Variants in RNASE4 observed in about 807,000 individuals in gnomAD.
RNASE4 encodes ribonuclease 4.
For missense variants in RNASE4, 194 were observed against 192.8 expected, an observed-to-expected ratio of 1.01 and a Z score of -0.04; for synonymous variants, 93 against 71.4, an observed-to-expected ratio of 1.30 and a Z score of -1.52.
chr14:20,688,967 A>G (rs1886556456), intron 1 of RNASE4: 2 of 617,742 alleles, frequency 3.2e-6, no homozygotes, highest in African/African-American at 4.0e-5. Flanking sequence ...CTCCAGGCTC[A>G]AGCTCATGAA....
intron 1 of RNASE4, chr14:20,693,540 T>G: frequency 6.2e-7 from 1 of 1,610,006 alleles, no homozygotes; most frequent in Non-Finnish European, 8.5e-7. Context: ...CCTTTTGCCC[T>G]CCGCAGGAGC....
chr14:20,690,504 G>T (rs1282885935), intron 1 of RNASE4, among the ~76,000 whole-genome samples: 1 of 152,134 alleles, frequency 6.6e-6, no homozygotes, highest in African/African-American at 2.4e-5. Flanking sequence ...AAAGTTTTGA[G>T]TGAGGGAGCA....
At chr14:20,688,608 T>A in intron 1 of RNASE4, 1 of 836,244 alleles carries the variant, frequency 1.2e-6, no homozygotes, top group Non-Finnish European at 1.4e-6. Context: ...CCAGAACAAA[T>A]CTCTAATCCA....
chr14:20,692,904 G>A (rs1886846719), intron 1 of RNASE4, among the ~76,000 whole-genome samples: 1 of 152,070 alleles, frequency 6.6e-6, no homozygotes, highest in South Asian at 2.1e-4. Flanking sequence ...CTGGAGTGCA[G>A]TGGCGCGATC....
chr14:20,700,012 G>A lies in RNASE4; in HGVS notation c.*197G>A. Reference sequence around the variant, plus strand: ...ATAAACCTGTAATGAATGAGGCTGGGCTTTTCTGTAATAAGCTTCCTTTTA... The same window carrying A: ...ATAAACCTGTAATGAATGAGGCTGGACTTTTCTGTAATAAGCTTCCTTTTA... On this transcript the variant is annotated 3_prime_UTR_variant, in exon 2 of 2. Transcript: ENST00000555835. 2 of 594,316 alleles carry A rather than the reference G, an allele frequency of 3.4e-6. No individual in the cohort carries two copies. The highest frequency in any genetic ancestry group is 6.1e-6 in the Non-Finnish European group (2 of 329,248). 36.8% of individuals were successfully genotyped at this position (594,316 alleles called of 1,614,324 possible).
intron 1 of RNASE4, among the ~76,000 whole-genome samples, chr14:20,689,471 A>G (rs956493293): frequency 2.6e-5 from 4 of 152,326 alleles, no homozygotes; most frequent in East Asian, 3.9e-4. Context: ...AATGATAACT[A>G]TAGTTACTCA....
chr14:20,693,829 C>T (rs1886952716), intron 1 of RNASE4: 1 of 1,614,216 alleles, frequency 6.2e-7, no homozygotes, highest in Non-Finnish European at 8.5e-7. Flanking sequence ...TGGAAACCCT[C>T]ACAGAGAAAA....
At position 20,688,892 on chromosome 14, in the gene RNASE4, T is replaced by A. The variant is rs894182618; in HGVS notation, c.-18+4134T>A. On this transcript the variant is annotated intron_variant, in intron 1 of 1. Transcript: ENST00000555835. ...CCTCCTGGGTAAACTATTGTTCAAT[T>A]TGTTTTATATATTATTTCTAGCCAT... 3 of 978,180 alleles carry A rather than the reference T, an allele frequency of 3.1e-6. No individual in the cohort carries two copies. The African/African-American group carries it at 5.3e-5, about 17-fold the overall frequency. 60.6% of individuals were successfully genotyped at this position (978,180 alleles called of 1,614,324 possible).
chr14:20,699,895 GT>G lies in RNASE4; in HGVS notation c.*81del. The G allele has an allele frequency of 7.9e-7, 1 of 1,271,716 alleles. No individual in the cohort carries two copies. Among genetic ancestry groups the G allele is most frequent in the Non-Finnish European group, 1.1e-6 (1 of 889,196 alleles). 78.8% of individuals were successfully genotyped at this position (1,271,716 alleles called of 1,614,324 possible). A position where few individuals can be genotyped will look rare whatever the true frequency, so the allele number is the denominator to read the frequency against. Reference sequence around the variant, plus strand: ...TAGCAGTGAGTAATGCATTTGAGCTGTCCCAGGCTCTGTCTCCTCAGCTCAT... The same window carrying G: ...TAGCAGTGAGTAATGCATTTGAGCTGCCCAGGCTCTGTCTCCTCAGCTCAT... On this transcript the variant is annotated 3_prime_UTR_variant, in exon 2 of 2. Coordinates refer to ENST00000555835, the MANE Select transcript of RNASE4 (RefSeq NM_002937.5).
At chr14:20,697,692 A>T (rs1318816562) in intron 1 of RNASE4, among the ~76,000 whole-genome samples, 2 of 152,240 alleles carry the variant, frequency 1.3e-5, no homozygotes, top group East Asian at 3.8e-4. Flanking sequence ...TGAAATCAAA[A>T]GACAATAGTA....
intron 1 of RNASE4, chr14:20,693,384 G>A (rs1031969335): frequency 1.1e-5 from 10 of 871,064 alleles, no homozygotes; most frequent in Non-Finnish European, 1.8e-5. Flanking sequence ...GGAAGGGATT[G>A]ACGAAGTGTG....
intron 1 of RNASE4, chr14:20,693,647 C>T (rs1475019638): frequency 1.2e-6 from 2 of 1,614,006 alleles, no homozygotes; most frequent in African/African-American, 1.3e-5. Flanking sequence ...CAGGATAACT[C>T]CAGGTACACA....
At chr14:20,688,104 A>G (rs1886509672) in intron 1 of RNASE4, among the ~76,000 whole-genome samples, 1 of 152,192 alleles carries the variant, frequency 6.6e-6, no homozygotes, top group Non-Finnish European at 1.5e-5. Flanking sequence ...CAAGGATCAG[A>G]AGATTGAATG....
chr14:20,699,030 G>T (rs781710717), intron 1 of RNASE4: 18 of 203,070 alleles, frequency 8.9e-5, no homozygotes, highest in Admixed American at 2.7e-4. Context: ...TTTCATGTAG[G>T]TTCACCTTTT....
intron 1 of RNASE4, chr14:20,693,389 A>G: frequency 6.6e-6 from 6 of 912,654 alleles, no homozygotes; most frequent in Non-Finnish European, 1.0e-5. Context: ...GGATTGACGA[A>G]GTGTGAGGTT....
chr14:20,687,589 T>G (rs1032157237), intron 1 of RNASE4, among the ~76,000 whole-genome samples: 16 of 152,228 alleles, frequency 1.1e-4, no homozygotes, highest in African/African-American at 3.9e-4. Context: ...TTCTCCTTGC[T>G]TATGAAGGGT....
At position 20,693,602 on chromosome 14, in the gene RNASE4, T is replaced by C. The variant is rs200240901; in HGVS notation, c.-17-5753T>C. The C allele has an allele frequency of 5.8e-5, 93 of 1,613,896 alleles. No homozygotes were observed. The highest frequency in any genetic ancestry group is 7.3e-5 in the Non-Finnish European group (86 of 1,180,042). On this transcript the variant is annotated intron_variant, in intron 1 of 1. Transcript: ENST00000555835. ...CTGGGCGTTTTGTTGTTGGTCTTCG[T>C]GCTGGGTCTGGGTCTGACCCCACCG... is the stretch of plus-strand genomic sequence containing the variant.
At chr14:20,690,418 G>A (rs12895066) in intron 1 of RNASE4, among the ~76,000 whole-genome samples, 43,652 of 151,752 alleles carry the variant, frequency 0.29, 6,427 homozygotes, top group East Asian at 0.43. Flanking sequence ...CACCACAAAC[G>A]ATCTGTCTCT....
intron 1 of RNASE4, among the ~76,000 whole-genome samples, chr14:20,686,265 A>G (rs775272031): frequency 1.3e-5 from 2 of 152,174 alleles, no homozygotes; most frequent in Non-Finnish European, 2.9e-5. Context: ...TAATGTGGAG[A>G]TGAACTATCG....
Sources: gnomAD v4.1 joint callset for allele counts (sites outside exome capture counted in the v4.1 genomes callset) on GRCh38, gnomAD v4.1.1 for gene constraint, MANE v1.5 for transcripts, NCBI Gene and HGNC (gene_info 2026-07-23, HGNC 2026-07-21) for gene names.